Variants in MAPK8 observed in about 807,000 individuals in gnomAD.
MAPK8 encodes the protein JUN N-terminal kinase.
Under a neutral mutation model 52.9 loss-of-function variants are expected in MAPK8, and 13 were observed. The ratio of observed to expected loss-of-function variants is 0.25; its 90% CI spans 0.16 to 0.39. The LOEUF is 0.39. Among genes scored for constraint, MAPK8 ranks in the 10% least tolerant of loss-of-function variants. The probability of loss-of-function intolerance (pLI) is 1.00; values close to 1 mark genes in which losing one functional copy is unlikely to be tolerated. For synonymous variants in MAPK8, 191 were observed against 169.8 expected (o/e 1.12, Z -0.97); for missense variants, 300 against 519.2 (o/e 0.58, Z 4.10).
At position 48,319,493 on chromosome 10, in the gene MAPK8, C is replaced by T. The variant is rs114096650; in HGVS notation, c.-50+12672C>T. 3.1e-3 allele frequency among the ~76,000 whole-genome samples: 470 copies of T among 152,088 alleles called. 1 individual carries two copies. The highest frequency in any genetic ancestry group is 0.011 in the African/African-American group (437 of 41,490). ...ATAGTTTTGTTCATTCTGGCTATCT[C>T]TTTTTTATTTTTTTGAGATGACGTC... On this transcript the variant is annotated intron_variant, in intron 1 of 11. Coordinates refer to ENST00000374189, the MANE Select transcript of MAPK8 (RefSeq NM_001323329.2).
rs867374620 is a variant in MAPK8 at position 48,428,378 on chromosome 10, C to A, written c.1060+1235C>A. Among the ~76,000 whole-genome samples the A allele has an allele frequency of 6.6e-5, 10 of 152,234 alleles. No individual in the cohort carries two copies. In the South Asian group the frequency reaches 8.3e-4, roughly 13 times the overall value. On this transcript the variant is annotated intron_variant, in intron 10 of 11. Transcript: ENST00000374189. ...GTAAATCACTCCCCCTTCATCTCAC[C>A]CTCCTACACTGCCCCCTGCATTTTA...
At position 48,404,755 on chromosome 10, in the gene MAPK8, T is replaced by C; in HGVS notation, c.123-97T>C. ...TTGGAAGGGATCCAGTTACTTGTCT[T>C]TGGAGAAAGTGAGAAATGTATATGA... On this transcript the variant is annotated intron_variant, in intron 2 of 11. Transcript: ENST00000374189. The C allele has an allele frequency of 3.3e-6, 3 of 895,746 alleles. No individual in the cohort carries two copies. In the Admixed American group the frequency reaches 7.6e-5, roughly 23 times the overall value. The allele number at this position is 895,746 out of a possible 1,614,324, so 55.5% of individuals were successfully genotyped here.
chr10:48,410,465 C>G (rs1476664759), intron 5 of MAPK8: 1 of 251,564 alleles, frequency 4.0e-6, no homozygotes, highest in Non-Finnish European at 7.5e-6. Context: ...TCCATGTTTA[C>G]CGTGTATCAA....
intron 1 of MAPK8, among the ~76,000 whole-genome samples, chr10:48,391,293 A>T (rs1249963760): frequency 6.6e-6 from 1 of 152,192 alleles, no homozygotes; most frequent in Admixed American, 6.5e-5. Context: ...TGGGATAATA[A>T]TGCCAATATT....
At chr10:48,319,672 A>G (rs1022239475) in intron 1 of MAPK8, among the ~76,000 whole-genome samples, 7 of 151,912 alleles carry the variant, frequency 4.6e-5, no homozygotes, top group Non-Finnish European at 8.8e-5. Context: ...TTGTATTTTT[A>G]GTAGAAACAG....
chr10:48,409,209 AG>A (rs1187156206), intron 3 of MAPK8, among the ~76,000 whole-genome samples: 1 of 152,168 alleles, frequency 6.6e-6, no homozygotes, highest in Non-Finnish European at 1.5e-5. Flanking sequence ...AAGAGATTGA[AG>A]GTCAGATTGA....
At chr10:48,375,670 G>A (rs1215619105) in intron 1 of MAPK8, among the ~76,000 whole-genome samples, 3 of 151,802 alleles carry the variant, frequency 2.0e-5, no homozygotes, top group Non-Finnish European at 4.4e-5. Context: ...ACCTAGGTAT[G>A]CACCTTACAA....
intron 1 of MAPK8, among the ~76,000 whole-genome samples, chr10:48,377,595 AC>A (rs1426993983): frequency 6.6e-6 from 1 of 151,608 alleles, no homozygotes; most frequent in Non-Finnish European, 1.5e-5. Context: ...TCTTCTTTCC[AC>A]CCCTCCCCTG....
rs73308002 is a variant in MAPK8, at chr10:48,402,383, G to C, written c.122+601G>C. ...CATCACTTTCACACTATAATGAAGC[G>C]TGGAATTTCAGAAATCTTATTCTAT... On this transcript the variant is annotated intron_variant, in intron 2 of 11. Coordinates refer to ENST00000374189, the MANE Select transcript of MAPK8 (RefSeq NM_001323329.2). 4.1e-3 allele frequency among the ~76,000 whole-genome samples: 627 copies of C among 152,268 alleles called. 5 individuals carry two copies. Among genetic ancestry groups the C allele is most frequent in the East Asian group, 0.017 (89 of 5,186 alleles).
chr10:48,328,097 A>T (rs1385866093), intron 1 of MAPK8, among the ~76,000 whole-genome samples: 1 of 151,872 alleles, frequency 6.6e-6, no homozygotes, highest in Non-Finnish European at 1.5e-5. Context: ...GCTCACTGCA[A>T]CCTCAGCCTC....
At chr10:48,400,456 C>G (rs1696240184) in intron 1 of MAPK8, among the ~76,000 whole-genome samples, 1 of 152,166 alleles carries the variant, frequency 6.6e-6, no homozygotes, top group African/African-American at 2.4e-5. Flanking sequence ...ATAATAGTCT[C>G]TCAAAAGTTC....
chr10:48,322,429 C>T (rs879459607), intron 1 of MAPK8, among the ~76,000 whole-genome samples: 1 of 152,082 alleles, frequency 6.6e-6, no homozygotes, highest in South Asian at 2.1e-4. Context: ...CTATCTCCTT[C>T]TAGAGAGGAT....
intron 1 of MAPK8, among the ~76,000 whole-genome samples, chr10:48,317,946 AC>A (rs1260642697): frequency 1.1e-5 from 1 of 90,730 alleles, no homozygotes; most frequent in Non-Finnish European, 2.2e-5. Context: ...GTGACCCCCC[AC>A]CCCCCCAGCA....
intron 1 of MAPK8, among the ~76,000 whole-genome samples, chr10:48,378,127 C>A (rs1441307765): frequency 6.6e-6 from 1 of 152,148 alleles, no homozygotes; most frequent in Non-Finnish European, 1.5e-5. Flanking sequence ...GGTCAAAAAT[C>A]TTTCTTCTCG....
chr10:48,359,088 T>G (rs1847283947), intron 1 of MAPK8, among the ~76,000 whole-genome samples: 1 of 152,112 alleles, frequency 6.6e-6, no homozygotes, highest in African/African-American at 2.4e-5. Context: ...TTTTGCTGAT[T>G]CTTCTTCTGT....
In MAPK8 at chr10:48,401,791, T is replaced by A; in HGVS notation, c.122+9T>A. 1 of 1,411,340 alleles carries A rather than the reference T, an allele frequency of 7.1e-7. No individual in the cohort carries two copies. Among genetic ancestry groups the A allele is most frequent in the Non-Finnish European group, 9.3e-7 (1 of 1,077,684 alleles). 87.4% of individuals were successfully genotyped at this position (1,411,340 alleles called of 1,614,324 possible). A position where few individuals can be genotyped will look rare whatever the true frequency, so the allele number is the denominator to read the frequency against. ...GCTCAAGGAATAGTATGGTAAGTGTTTACTTCCAAAAATTAGGCAAAGAAT... is the reference window on the plus strand; with the variant it reads ...GCTCAAGGAATAGTATGGTAAGTGTATACTTCCAAAAATTAGGCAAAGAAT... On this transcript the variant is annotated intron_variant, in intron 2 of 11. Transcript: ENST00000374189.
chr10:48,315,598 TAAG>T (rs1351520048), intron 1 of MAPK8, among the ~76,000 whole-genome samples: 4 of 116,950 alleles, frequency 3.4e-5, no homozygotes, highest in Non-Finnish European at 7.6e-5. Context: ...TTTATATATT[TAAG>T]TTTTTTTTTT....
chr10:48,426,083 A>G lies in MAPK8; in HGVS notation c.871+13A>G, dbSNP rs765428462. 11 of 1,599,650 alleles carry G rather than the reference A, an allele frequency of 6.9e-6. No homozygotes were observed. The Admixed American group carries it at 1.0e-4, about 15-fold the overall frequency. Reference sequence around the variant, plus strand: ...AACAAACTTAAAGGTACTTTTTACAAATATGTACATTTAATCCCATTTGGG... The same window carrying G: ...AACAAACTTAAAGGTACTTTTTACAGATATGTACATTTAATCCCATTTGGG... On this transcript the variant is annotated intron_variant, in intron 8 of 11. Transcript: ENST00000374189.
At chr10:48,347,360 G>A (rs1387059922) in intron 1 of MAPK8, among the ~76,000 whole-genome samples, 1 of 152,174 alleles carries the variant, frequency 6.6e-6, no homozygotes, top group East Asian at 1.9e-4. Flanking sequence ...GTTAATACAT[G>A]CTGACACTGA....
Sources: gnomAD v4.1 joint callset for allele counts (sites outside exome capture counted in the v4.1 genomes callset) on GRCh38, gnomAD v4.1.1 for gene constraint, MANE v1.5 for transcripts, NCBI Gene and HGNC (gene_info 2026-07-23, HGNC 2026-07-21) for gene names.